RELN: variants seen among roughly 807,000 people sequenced by gnomAD.
RELN encodes the protein reelin.
Under a neutral mutation model 427.6 loss-of-function variants are expected in RELN, and 108 were observed. The observed-to-expected ratio is 0.25, with a 90% CI of 0.22 to 0.30. The LOEUF (loss-of-function observed/expected upper bound fraction) is 0.30. Among genes scored for constraint, RELN ranks in the 10% least tolerant of loss-of-function variants. The probability of loss-of-function intolerance (pLI) is 1.00; values close to 1 mark genes in which losing one functional copy is unlikely to be tolerated. For synonymous variants in RELN, 1,524 were observed against 1,513.4 expected, an observed-to-expected ratio of 1.01 and a Z score of -0.16; for missense variants, 3,715 against 4,302.8, an observed-to-expected ratio of 0.86 and a Z score of 3.82.
chr7:103,483,812 T>C lies in RELN; in HGVS notation c.10022A>G (p.Gln3341Arg), dbSNP rs752958651. 3 of 1,614,048 alleles carry C rather than the reference T, an allele frequency of 1.9e-6. No individual in the cohort carries two copies. The highest frequency in any genetic ancestry group is 3.3e-4 in the Middle Eastern group (2 of 6,054). ...CAGGTCACTGTTGCAGCTGTCCGTC[T>C]GCGACATGCTCCCAATTTGCAAAAC... Reference protein sequence around the residue: ...MFVLQIGSMSQTDSCNSDLSG... With the variant: ...MFVLQIGSMSRTDSCNSDLSG... Residue 3341 changes from glutamine to arginine, a missense_variant, in exon 62 of 65, where the codon CAG (glutamine) becomes CGG (arginine). By Grantham distance (43) the Gln-to-Arg change is conservative. This residue lies in a region of RELN where 195 missense variants were observed against 281.3 expected (regional missense o/e 0.69). Transcript: ENST00000428762.
At chr7:103,586,270 G>C (rs2711871) in intron 28 of RELN, among the ~76,000 whole-genome samples, 1,872 of 152,228 alleles carry the variant, frequency 0.012, 14 homozygotes, top group African/African-American at 0.018. Flanking sequence ...GGCTGAGGCA[G>C]GAGAATTGCT....
At chr7:103,587,972 G>A (rs1278491126) in intron 28 of RELN, among the ~76,000 whole-genome samples, 2 of 152,176 alleles carry the variant, frequency 1.3e-5, no homozygotes, top group East Asian at 3.8e-4. Flanking sequence ...GTGGAAAACA[G>A]TATGGAGATT....
At chr7:103,926,111 T>TTTTTA in intron 1 of RELN, among the ~76,000 whole-genome samples, 1 of 141,764 alleles carries the variant, frequency 7.1e-6, no homozygotes, top group Non-Finnish European at 1.5e-5. Context: ...TTTTTTTTTT[T>TTTTTA]TTTTTTTTGA....
chr7:103,755,601 C>A (rs1379875976), intron 4 of RELN, among the ~76,000 whole-genome samples: 1 of 119,162 alleles, frequency 8.4e-6, no homozygotes, highest in African/African-American at 3.4e-5. Flanking sequence ...GAGCGAGACT[C>A]TGTCTCAAAA....
intron 38 of RELN, among the ~76,000 whole-genome samples, chr7:103,555,731 C>T (rs1404835844): frequency 6.6e-6 from 1 of 152,144 alleles, no homozygotes; most frequent in Non-Finnish European, 1.5e-5. Flanking sequence ...CCTCGGCCTC[C>T]CAAAGTGCTG....
chr7:103,854,096 A>G (rs1430417126), intron 2 of RELN, among the ~76,000 whole-genome samples: 1 of 152,206 alleles, frequency 6.6e-6, no homozygotes, highest in Non-Finnish European at 1.5e-5. Context: ...ACAAATATAC[A>G]CAATTATTAT....
chr7:103,807,215 C>T (rs376178790), intron 3 of RELN, among the ~76,000 whole-genome samples: 2 of 152,208 alleles, frequency 1.3e-5, no homozygotes, highest in African/African-American at 2.4e-5. Flanking sequence ...AGCATACACC[C>T]AAAGAGCCAA....
chr7:103,708,742 G>T (rs1789708449), intron 8 of RELN, among the ~76,000 whole-genome samples: 1 of 152,032 alleles, frequency 6.6e-6, no homozygotes, highest in African/African-American at 2.4e-5. Flanking sequence ...GGATTACAGG[G>T]TATGACTCTT....
intron 28 of RELN, among the ~76,000 whole-genome samples, chr7:103,579,736 T>C (rs1171200727): frequency 6.6e-6 from 1 of 152,182 alleles, no homozygotes; most frequent in Non-Finnish European, 1.5e-5. Flanking sequence ...CCTTTCCCAA[T>C]TTTCATTTTT....
chr7:103,717,323 T>TTATA (rs541526333), intron 8 of RELN, among the ~76,000 whole-genome samples: 1 of 149,112 alleles, frequency 6.7e-6, no homozygotes, highest in African/African-American at 2.4e-5. Flanking sequence ...TACATATGTT[T>TTATA]TATATATATA....
At chr7:103,505,552 A>G (rs539153600) in intron 51 of RELN, among the ~76,000 whole-genome samples, 1 of 152,272 alleles carries the variant, frequency 6.6e-6, no homozygotes, top group African/African-American at 2.4e-5. Context: ...CCACTCATAG[A>G]CCCCATCCTA....
chr7:103,539,047 C>G, intron 45 of RELN, 31 bp downstream of exon 45: 6 of 1,612,936 alleles, frequency 3.7e-6, no homozygotes, highest in Non-Finnish European at 5.1e-6. Flanking sequence ...GCCCACATGC[C>G]TGTCCCTCTA....
At chr7:103,752,449 G>A (rs1277703790) in intron 5 of RELN, among the ~76,000 whole-genome samples, 2 of 152,100 alleles carry the variant, frequency 1.3e-5, no homozygotes, top group Non-Finnish European at 2.9e-5. Context: ...TTGCTCTGCT[G>A]CCCAGGTTGG....
intron 3 of RELN, among the ~76,000 whole-genome samples, chr7:103,828,865 C>T (rs539617963): frequency 8.6e-5 from 13 of 151,942 alleles, no homozygotes; most frequent in South Asian, 2.1e-4. Context: ...AGAGAGATTC[C>T]GATGCCATAC....
intron 2 of RELN, among the ~76,000 whole-genome samples, chr7:103,859,250 A>G (rs1794016627): frequency 6.6e-6 from 1 of 152,180 alleles, no homozygotes; most frequent in African/African-American, 2.4e-5. Context: ...TCACCATGAT[A>G]ACACCTGGCA....
rs76069680 is a variant in RELN at position 103,734,320 on chromosome 7, A to G, written c.657-6113T>C. Reference sequence around the variant, plus strand: ...CTCTCAACCTAAGGATCAGAAATGAATTGCTTCTCTGCCTAATAGTAAAAG... The same window carrying G: ...CTCTCAACCTAAGGATCAGAAATGAGTTGCTTCTCTGCCTAATAGTAAAAG... On this transcript the variant is annotated intron_variant, in intron 6 of 64. Coordinates refer to ENST00000428762, the MANE Select transcript of RELN (RefSeq NM_005045.4). Among the ~76,000 whole-genome samples, 1,060 of 152,124 alleles carry G rather than the reference A, an allele frequency of 7.0e-3. 6 individuals are homozygous for G. Among genetic ancestry groups the G allele is most frequent in the Non-Finnish European group, 0.012 (822 of 67,928 alleles).
chr7:103,746,768 G>A (rs1019332983), intron 6 of RELN, among the ~76,000 whole-genome samples: 2 of 150,734 alleles, frequency 1.3e-5, no homozygotes, highest in Non-Finnish European at 2.9e-5. Flanking sequence ...GAAACAACAG[G>A]TGCTGGAGAG....
chr7:103,497,284 T>C (rs757647743), intron 55 of RELN, among the ~76,000 whole-genome samples: 23 of 152,196 alleles, frequency 1.5e-4, no homozygotes, highest in Non-Finnish European at 2.8e-4. Flanking sequence ...TTAAGAATGA[T>C]ATCTATCTGC....
At chr7:103,490,971 G>C (rs1828630212) in intron 58 of RELN, 142 bp from the exon 59 acceptor site, 1 of 747,732 alleles carries the variant, frequency 1.3e-6, no homozygotes, top group Admixed American at 2.8e-5. Context: ...TATAATTACA[G>C]ATTATAAAAA....
Sources: gnomAD v4.1 joint callset for allele counts (sites outside exome capture counted in the v4.1 genomes callset) on GRCh38, gnomAD v4.1.1 for gene constraint, gnomAD v4.1.1 regional missense constraint, MANE v1.5 for transcripts, NCBI Gene and HGNC (gene_info 2026-07-23, HGNC 2026-07-21) for gene names.